The following PCDH9 variants were observed in gnomAD, a reference collection of about 807,000 sequenced individuals.
PCDH9 encodes protocadherin 9, also known as protocadherin-9.
In PCDH9, 24 loss-of-function variants were observed where a neutral mutation model predicts 70.6. The observed-to-expected ratio is 0.34, with a 90% confidence interval of 0.25 to 0.48. The LOEUF is 0.48. Among genes scored for constraint, PCDH9 ranks in the 20% least tolerant of loss-of-function variants. PCDH9 has a pLI of 0.99. For synonymous variants in PCDH9, 562 were observed against 558.5 expected (o/e 1.01, Z -0.09); for missense variants, 1,281 against 1,503.6 (o/e 0.85, Z 2.45).
At chr13:66,749,588 T>C (rs1451204374) in intron 3 of PCDH9, among the ~76,000 whole-genome samples, 1 of 152,184 alleles carries the variant, frequency 6.6e-6, no homozygotes, top group African/African-American at 2.4e-5. Flanking sequence ...TTAACTGCCA[T>C]AGAAAATTTT....
At chr13:67,130,288 A>G (rs1229605838) in intron 2 of PCDH9, among the ~76,000 whole-genome samples, 1 of 152,208 alleles carries the variant, frequency 6.6e-6, no homozygotes, top group African/African-American at 2.4e-5. Flanking sequence ...CACATCGAAT[A>G]TGAATATTTA....
chr13:66,920,464 T>C (rs537284934), intron 2 of PCDH9, among the ~76,000 whole-genome samples: 1 of 151,194 alleles, frequency 6.6e-6, no homozygotes, highest in African/African-American at 2.4e-5. Flanking sequence ...ATGATGGATT[T>C]CACTGTCTGA....
At chr13:66,939,210 T>C (rs2082966815) in intron 2 of PCDH9, among the ~76,000 whole-genome samples, 1 of 152,120 alleles carries the variant, frequency 6.6e-6, no homozygotes, top group Non-Finnish European at 1.5e-5. Context: ...AAAACACTGC[T>C]TAAATATTAT....
At position 66,601,782 on chromosome 13, in the gene PCDH9, C is replaced by T. The variant is rs79049480; in HGVS notation, c.3340+29428G>A. 1.6e-3 allele frequency among the ~76,000 whole-genome samples: 229 copies of T among 145,724 alleles called. 13 individuals are homozygous for T. The highest frequency in any genetic ancestry group is 5.5e-3 in the African/African-American group (223 of 40,570). On this transcript the variant is annotated intron_variant, in intron 4 of 4. Transcript: ENST00000377865. The stretch of plus-strand genomic sequence containing the variant: ...AAATGGAACTGAGAAAATCCTATTG[C>T]TGCCTAGTGATGTCATGGCCATAAT...
chr13:66,963,883 A>G (rs975927142), intron 2 of PCDH9, among the ~76,000 whole-genome samples: 3 of 152,086 alleles, frequency 2.0e-5, no homozygotes, highest in African/African-American at 7.2e-5. Flanking sequence ...AACTTTTTAT[A>G]TTTTTTTGTG....
At chr13:67,015,458 G>T (rs1199901692) in intron 2 of PCDH9, among the ~76,000 whole-genome samples, 2 of 151,958 alleles carry the variant, frequency 1.3e-5, no homozygotes, top group African/African-American at 2.4e-5. Context: ...TATTTCAATG[G>T]TGTCACCACC....
Position 67,137,640 on chromosome 13 carries a change from C to T in PCDH9, c.3036+87765G>A, listed in dbSNP as rs546426109. Reference sequence around the variant, plus strand: ...TTTAACCTCTCCACATTTTTTTCAGCTCTGTCTGCAATAGTGAGAGGTAGT... The same window carrying T: ...TTTAACCTCTCCACATTTTTTTCAGTTCTGTCTGCAATAGTGAGAGGTAGT... On this transcript the variant is annotated intron_variant, in intron 2 of 4. Coordinates refer to ENST00000377865, the MANE Select transcript of PCDH9 (RefSeq NM_203487.3). 1.4e-4 allele frequency among the ~76,000 whole-genome samples: 21 copies of T among 152,124 alleles called. 1 individual carries two copies. The East Asian group carries it at 2.5e-3, about 18-fold the overall frequency.
intron 2 of PCDH9, among the ~76,000 whole-genome samples, chr13:67,082,457 G>GT (rs2086005136): frequency 6.6e-6 from 1 of 152,132 alleles, no homozygotes; most frequent in African/African-American, 2.4e-5. Context: ...GCCATTGTAT[G>GT]TAAGTGGCAC....
At chr13:67,113,423 A>G (rs2086694886) in intron 2 of PCDH9, among the ~76,000 whole-genome samples, 3 of 152,246 alleles carry the variant, frequency 2.0e-5, no homozygotes, top group African/African-American at 7.2e-5. Context: ...CAACATTGTC[A>G]GCTGTAAGAA....
intron 2 of PCDH9, among the ~76,000 whole-genome samples, chr13:67,085,475 A>G (rs566578773): frequency 1.3e-5 from 2 of 152,362 alleles, no homozygotes; most frequent in Non-Finnish European, 2.9e-5. Flanking sequence ...GAAGTGTTAT[A>G]AAATGAATTC....
At chr13:66,653,176 C>G (rs2077877208) in intron 3 of PCDH9, among the ~76,000 whole-genome samples, 1 of 152,018 alleles carries the variant, frequency 6.6e-6, no homozygotes, top group Non-Finnish European at 1.5e-5. Flanking sequence ...TTCTTCACAG[C>G]AAAGGAAAGT....
intron 2 of PCDH9, among the ~76,000 whole-genome samples, chr13:66,920,146 G>T (rs2139641256): frequency 6.6e-6 from 1 of 151,196 alleles, no homozygotes; most frequent in Admixed American, 6.6e-5. Context: ...ACATGTAAGA[G>T]ATATGACTTA....
intron 4 of PCDH9, among the ~76,000 whole-genome samples, chr13:66,476,153 C>G (rs887073841): frequency 6.6e-6 from 1 of 151,852 alleles, no homozygotes; most frequent in South Asian, 2.1e-4. Flanking sequence ...ACTTATAACA[C>G]CCCCCTATCT....
chr13:66,541,531 G>A (rs73193156), intron 4 of PCDH9, among the ~76,000 whole-genome samples: 2,747 of 152,036 alleles, frequency 0.018, 39 homozygotes, highest in Non-Finnish European at 0.029. Flanking sequence ...ATGTTGCTTC[G>A]CTTCTGACAG....
intron 2 of PCDH9, chr13:67,223,548 C>A (rs756599850): frequency 3.9e-5 from 6 of 152,020 alleles, no homozygotes; most frequent in Non-Finnish European, 7.4e-5. Context: ...AAAAAATTTT[C>A]TTTCTGTTCA....
At chr13:66,770,948 G>C (rs2079798014) in intron 3 of PCDH9, among the ~76,000 whole-genome samples, 1 of 152,168 alleles carries the variant, frequency 6.6e-6, no homozygotes, top group Non-Finnish European at 1.5e-5. Flanking sequence ...AGGTTCACCT[G>C]AGTTAACTCC....
At chr13:66,573,039 A>G (rs1248563072) in intron 4 of PCDH9, among the ~76,000 whole-genome samples, 1 of 152,136 alleles carries the variant, frequency 6.6e-6, no homozygotes, top group Non-Finnish European at 1.5e-5. Flanking sequence ...GTACTAATTT[A>G]CAATACAAAC....
At chr13:66,896,325 T>C (rs7332562) in intron 3 of PCDH9, among the ~76,000 whole-genome samples, 36,385 of 151,902 alleles carry the variant, frequency 0.24, 4,448 homozygotes, top group East Asian at 0.28. Context: ...CAAGTACATT[T>C]GTTTAGCCTC....
intron 4 of PCDH9, among the ~76,000 whole-genome samples, chr13:66,535,246 A>T (rs1960649041): frequency 1.3e-5 from 2 of 152,196 alleles, no homozygotes; most frequent in African/African-American, 4.8e-5. Context: ...ATGTTTTTAA[A>T]CATTTTCTGA....
Sources: gnomAD v4.1 joint callset for allele counts (sites outside exome capture counted in the v4.1 genomes callset) on GRCh38, gnomAD v4.1.1 for gene constraint, MANE v1.5 for transcripts, NCBI Gene and HGNC (gene_info 2026-07-23, HGNC 2026-07-21) for gene names.